DAB1: variants seen among roughly 807,000 people sequenced by gnomAD.
The protein encoded by DAB1 is DAB adaptor protein 1.
Under a neutral mutation model 64.6 loss-of-function variants are expected in DAB1, and 15 were observed. The ratio of observed to expected loss-of-function variants is 0.23; its 90% CI spans 0.16 to 0.36. The LOEUF (loss-of-function observed/expected upper bound fraction) is 0.36, where lower values mean the gene tolerates loss of function less well. Ranked by LOEUF, DAB1 falls within the 10% of genes least tolerant of loss-of-function variation. The pLI, the probability that DAB1 is intolerant of heterozygous loss-of-function variation, is 1.00. For missense variants in DAB1, 596 were observed against 706.7 expected (o/e 0.84, Z 1.78); for synonymous variants, 235 against 251.9 (o/e 0.93, Z 0.64).
intron 7 of DAB1, among the ~76,000 whole-genome samples, chr1:57,612,519 A>G (rs59974824): frequency 0.45 from 68,056 of 151,802 alleles, 16,744 homozygotes; most frequent in Non-Finnish European, 0.55. Context: ...GGGAAGAGAA[A>G]AGATGCTATG....
At chr1:57,740,770 G>A (rs1015440627) in intron 6 of DAB1, among the ~76,000 whole-genome samples, 1 of 152,136 alleles carries the variant, frequency 6.6e-6, no homozygotes, top group Non-Finnish European at 1.5e-5. Flanking sequence ...CCACGCACTG[G>A]GCTGTGTGTT....
intron 7 of DAB1, among the ~76,000 whole-genome samples, chr1:57,459,119 A>G (rs1339010228): frequency 6.6e-6 from 1 of 152,168 alleles, no homozygotes; most frequent in African/African-American, 2.4e-5. Context: ...AAACTATTTT[A>G]CATTGTGTTC....
chr1:57,120,994 G>A (rs1433049764), intron 4 of DAB1, among the ~76,000 whole-genome samples: 1 of 152,030 alleles, frequency 6.6e-6, no homozygotes, highest in East Asian at 1.9e-4. Flanking sequence ...AGGAAATAGT[G>A]CCTGAGCTGA....
intron 2 of DAB1, among the ~76,000 whole-genome samples, chr1:57,250,263 C>T (rs573410059): frequency 1.5e-3 from 233 of 152,334 alleles, no homozygotes; most frequent in African/African-American, 5.3e-3. Flanking sequence ...GTTAATTCCT[C>T]ACCTCAGTTG....
At chr1:58,435,482 CTCA>C (rs1215181322) in intron 3 of DAB1, among the ~76,000 whole-genome samples, 1 of 152,170 alleles carries the variant, frequency 6.6e-6, no homozygotes, top group Non-Finnish European at 1.5e-5. Context: ...TGTTCAGGCA[CTCA>C]TCAGACACCT....
At chr1:58,107,757 C>T (rs1481564985) in intron 5 of DAB1, among the ~76,000 whole-genome samples, 1 of 151,972 alleles carries the variant, frequency 6.6e-6, no homozygotes, top group Non-Finnish European at 1.5e-5. Flanking sequence ...CCTGGGATTA[C>T]AGGTGCCTGC....
intron 7 of DAB1, among the ~76,000 whole-genome samples, chr1:57,517,046 G>T (rs1290997735): frequency 6.6e-6 from 1 of 152,178 alleles, no homozygotes; most frequent in African/African-American, 2.4e-5. Context: ...TTATTATTTT[G>T]ATTTTTCTAG....
chr1:57,650,868 C>T (rs1646248345), intron 6 of DAB1, among the ~76,000 whole-genome samples: 1 of 152,110 alleles, frequency 6.6e-6, no homozygotes, highest in African/African-American at 2.4e-5. Context: ...TTTGTGAGTG[C>T]CTCTGATGAC....
chr1:57,144,663 C>T (rs1156380849), intron 3 of DAB1, among the ~76,000 whole-genome samples: 1 of 148,230 alleles, frequency 6.7e-6, no homozygotes, highest in Non-Finnish European at 1.5e-5. Flanking sequence ...CACTGCACTC[C>T]AGCCTAGGCG....
At chr1:57,848,590 G>C (rs1430241633) in intron 1 of DAB1, among the ~76,000 whole-genome samples, 1 of 152,168 alleles carries the variant, frequency 6.6e-6, no homozygotes, top group East Asian at 1.9e-4. Flanking sequence ...AGAGGTCTAG[G>C]CCAGACAGAA....
chr1:57,182,176 C>T (rs529043793), intron 2 of DAB1, among the ~76,000 whole-genome samples: 5 of 152,258 alleles, frequency 3.3e-5, no homozygotes, highest in Non-Finnish European at 5.9e-5. Context: ...TGAGCCACCG[C>T]GTCCAGCTGC....
intron 5 of DAB1, among the ~76,000 whole-genome samples, chr1:57,996,173 C>T (rs1008457538): frequency 1.3e-5 from 2 of 152,198 alleles, no homozygotes; most frequent in Non-Finnish European, 2.9e-5. Flanking sequence ...GCAGGAGAAT[C>T]TCTGGAACCC....
At chr1:58,154,234 C>T (rs986147951) in intron 4 of DAB1, among the ~76,000 whole-genome samples, 1 of 151,986 alleles carries the variant, frequency 6.6e-6, no homozygotes, top group Non-Finnish European at 1.5e-5. Context: ...CCCAAAAACC[C>T]CTATCTGGAG....
chr1:58,118,427 C>G (rs1170612235), intron 5 of DAB1, among the ~76,000 whole-genome samples: 3 of 109,950 alleles, frequency 2.7e-5, no homozygotes, highest in African/African-American at 1.1e-4. Flanking sequence ...CTAGATAATA[C>G]TTATAGGAGA....
rs568231373 is a variant in DAB1, at chr1:58,051,252, A to G, written n.387+99259T>C. Among the ~76,000 whole-genome samples the G allele has an allele frequency of 3.4e-3, 515 of 150,902 alleles. 5 individuals carry two copies. Among genetic ancestry groups the G allele is most frequent in the African/African-American group, 0.012 (495 of 41,006 alleles). ...TATGATGTTCCCTGCCCTGTGTCCA[A>G]GTGATCTCATTGTTCAAGTCCCACC... On this transcript the variant is annotated intron_variant and non_coding_transcript_variant, in intron 5 of 20. Coordinates refer to the DAB1 transcript ENST00000485760.
chr1:58,357,100 T>C (rs1264836286), intron 3 of DAB1, among the ~76,000 whole-genome samples: 4 of 151,826 alleles, frequency 2.6e-5, no homozygotes, highest in Admixed American at 2.0e-4. Flanking sequence ...CATGGGAAGA[T>C]TTTAAGCAGG....
At chr1:57,210,566 C>T (rs969036532) in intron 2 of DAB1, among the ~76,000 whole-genome samples, 25 of 152,062 alleles carry the variant, frequency 1.6e-4, no homozygotes, top group Non-Finnish European at 1.3e-4. Context: ...ATACCAAAGG[C>T]CTCATTCATC....
In DAB1 at chr1:57,776,347, A is replaced by G. The variant is rs115447388; in HGVS notation, n.551+107652T>C. On this transcript the variant is annotated intron_variant and non_coding_transcript_variant, in intron 6 of 20. Coordinates refer to the DAB1 transcript ENST00000485760. Reference sequence around the variant, plus strand: ...CTGGTCCAGGCATTTAGAATAAGGGATACTTAGCCTATAGTTAGGTCTTGC... The same window carrying G: ...CTGGTCCAGGCATTTAGAATAAGGGGTACTTAGCCTATAGTTAGGTCTTGC... Among the ~76,000 whole-genome samples, 441 of 151,772 alleles carry G rather than the reference A, an allele frequency of 2.9e-3. 2 individuals are homozygous for G. Among genetic ancestry groups the G allele is most frequent in the African/African-American group, 0.01 (428 of 41,504 alleles).
intron 5 of DAB1, among the ~76,000 whole-genome samples, chr1:58,033,164 T>C (rs1002867081): frequency 2.0e-5 from 3 of 152,182 alleles, no homozygotes; most frequent in Admixed American, 6.5e-5. Flanking sequence ...TCCAGATGGA[T>C]TTGTCAGGGG....
Sources: gnomAD v4.1 joint callset for allele counts (sites outside exome capture counted in the v4.1 genomes callset) on GRCh38, gnomAD v4.1.1 for gene constraint, MANE v1.5 for transcripts, NCBI Gene and HGNC (gene_info 2026-07-23, HGNC 2026-07-21) for gene names.